The following DYNC2H1 variants were observed in gnomAD, a reference collection of about 807,000 sequenced individuals.
DYNC2H1 encodes the protein dynein cytoplasmic 2 heavy chain 1.
A neutral mutation model predicts 570.0 loss-of-function variants in DYNC2H1; 410 were observed. The observed-to-expected ratio is 0.72, with a 90% CI of 0.66 to 0.78. The LOEUF (loss-of-function observed/expected upper bound fraction) is 0.78, where lower values mean the gene tolerates loss of function less well. Ranked by LOEUF, DYNC2H1 falls within the 30% of genes least tolerant of loss-of-function variation. The probability of loss-of-function intolerance (pLI) is 0.00; values close to 1 mark genes in which losing one functional copy is unlikely to be tolerated. For missense variants in DYNC2H1, 4,865 were observed against 5,046.4 expected (o/e 0.96, Z 1.09); for synonymous variants, 1,688 against 1,677.6 (o/e 1.01, Z -0.15).
chr11:103,229,846 G>T (rs1159494541), intron 59 of DYNC2H1, among the ~76,000 whole-genome samples: 5 of 152,146 alleles, frequency 3.3e-5, no homozygotes, highest in Non-Finnish European at 7.4e-5. Context: ...ATTATTGTAT[G>T]TGATCAATAA....
chr11:103,383,438 GGGT>G (rs1430476592), intron 83 of DYNC2H1, among the ~76,000 whole-genome samples: 3 of 151,278 alleles, frequency 2.0e-5, no homozygotes, highest in African/African-American at 7.3e-5. Context: ...TTCTTGATTT[GGGT>G]GGTTAGTTTG....
intron 83 of DYNC2H1, among the ~76,000 whole-genome samples, chr11:103,382,267 A>G (rs1941680525): frequency 6.6e-6 from 1 of 152,206 alleles, no homozygotes; most frequent in African/African-American, 2.4e-5. Flanking sequence ...TTGGTCTGGT[A>G]GAATCTGTTG....
At chr11:103,258,613 C>A (rs1425122670) in intron 69 of DYNC2H1, among the ~76,000 whole-genome samples, 1 of 152,194 alleles carries the variant, frequency 6.6e-6, no homozygotes, top group African/African-American at 2.4e-5. Flanking sequence ...TGCAGCACCT[C>A]TGCAGGAGGC....
intron 48 of DYNC2H1, among the ~76,000 whole-genome samples, chr11:103,198,435 C>T (rs943230256): frequency 1.1e-4 from 16 of 152,132 alleles, no homozygotes; most frequent in Non-Finnish European, 2.2e-4. Context: ...CATTAGGTGA[C>T]CCAGGTAGTC....
chr11:103,391,570 G>T (rs377302762), intron 83 of DYNC2H1, among the ~76,000 whole-genome samples: 1 of 152,168 alleles, frequency 6.6e-6, no homozygotes, highest in Non-Finnish European at 1.5e-5. Context: ...GGGAAGAGGC[G>T]CTCTGATTTT....
intron 39 of DYNC2H1, among the ~76,000 whole-genome samples, chr11:103,180,773 TAAG>T (rs1228207034): frequency 6.6e-6 from 1 of 151,388 alleles, no homozygotes; most frequent in Non-Finnish European, 1.5e-5. Context: ...ATACCATTGG[TAAG>T]AAACTCTTTA....
chr11:103,402,742 C>T (rs910679252), intron 84 of DYNC2H1: 1 of 152,084 alleles, frequency 6.6e-6, no homozygotes, highest in Non-Finnish European at 1.5e-5. Context: ...TGTGGCTCCT[C>T]TGATTAAGTG....
chr11:103,372,714 G>C (rs995382287), intron 83 of DYNC2H1, among the ~76,000 whole-genome samples: 1 of 152,058 alleles, frequency 6.6e-6, no homozygotes, highest in African/African-American at 2.4e-5. Context: ...TTTCTTTGCT[G>C]TGTCCTTCTC....
intron 17 of DYNC2H1, among the ~76,000 whole-genome samples, chr11:103,137,306 C>T (rs1859619605): frequency 6.8e-6 from 1 of 147,312 alleles, no homozygotes; most frequent in South Asian, 2.2e-4. Context: ...TTGCCCATGC[C>T]TATGTCCTGA....
At chr11:103,119,824 A>G (rs1858607506) in intron 6 of DYNC2H1, among the ~76,000 whole-genome samples, 2 of 152,228 alleles carry the variant, frequency 1.3e-5, no homozygotes, top group Non-Finnish European at 2.9e-5. Context: ...GCTGTTAGGC[A>G]TTCTCAGTAG....
At chr11:103,132,392 A>G (rs1380406122) in intron 13 of DYNC2H1, among the ~76,000 whole-genome samples, 1 of 152,014 alleles carries the variant, frequency 6.6e-6, no homozygotes, top group East Asian at 1.9e-4. Flanking sequence ...ACTAGTTTCA[A>G]GAGAATTTGT....
intron 47 of DYNC2H1, among the ~76,000 whole-genome samples, chr11:103,195,228 T>C (rs1011100248): frequency 1.3e-5 from 2 of 152,226 alleles, no homozygotes; most frequent in African/African-American, 4.8e-5. Context: ...ATGTCAAGTT[T>C]AAGGAGTCTG....
intron 85 of DYNC2H1, among the ~76,000 whole-genome samples, chr11:103,445,112 T>C (rs558037688): frequency 6.6e-6 from 1 of 152,336 alleles, no homozygotes; most frequent in South Asian, 2.1e-4. Context: ...ATTTTGTACA[T>C]TCAAATAAAT....
At chr11:103,180,069 C>G (rs1339790629) in intron 39 of DYNC2H1, among the ~76,000 whole-genome samples, 1 of 151,432 alleles carries the variant, frequency 6.6e-6, no homozygotes, top group Non-Finnish European at 1.5e-5. Context: ...GAAACATTTA[C>G]TTTAAATTAG....
rs907102896 is a variant in DYNC2H1 at position 103,256,399 on chromosome 11, A to G, written c.10461+159A>G. ...CATTGGGTTTGATTCTAGTTATTGT[A>G]GAGAGGGAATTCAGATGTTGGCACA... On this transcript the variant is annotated intron_variant, in intron 68 of 88. Coordinates refer to ENST00000375735, the MANE Select transcript of DYNC2H1 (RefSeq NM_001377.3). The surrounding 1 kb of genome is among the most constrained non-coding windows in gnomAD (Gnocchi z 4.0). Among the ~76,000 whole-genome samples the G allele has an allele frequency of 2.6e-5, 4 of 152,196 alleles. No homozygotes were observed. Among genetic ancestry groups the G allele is most frequent in the Non-Finnish European group, 5.9e-5 (4 of 68,028 alleles).
intron 39 of DYNC2H1, among the ~76,000 whole-genome samples, chr11:103,179,593 T>G (rs1439037664): frequency 2.6e-5 from 4 of 151,884 alleles, no homozygotes; most frequent in East Asian, 3.9e-4. Flanking sequence ...TAAAGCTGAG[T>G]AGCAATATTT....
intron 87 of DYNC2H1, among the ~76,000 whole-genome samples, chr11:103,464,647 G>A (rs1945135008): frequency 6.6e-6 from 1 of 152,234 alleles, no homozygotes; most frequent in East Asian, 1.9e-4. Context: ...CTAGATGTCA[G>A]AAGACAGTAA....
At chr11:103,401,901 G>A (rs1942659513) in intron 84 of DYNC2H1, 1 of 152,108 alleles carries the variant, frequency 6.6e-6, no homozygotes, top group Non-Finnish European at 1.5e-5. Context: ...TCAGGAAGAG[G>A]TAGTTAAGTT....
Position 103,446,111 on chromosome 11 carries a change from T to C in DYNC2H1, c.12457-9075T>C. Among the ~76,000 whole-genome samples, 1 of 151,990 alleles carries C rather than the reference T, an allele frequency of 6.6e-6. No individual in the cohort carries two copies. The highest frequency in any genetic ancestry group is 1.9e-4 in the East Asian group (1 of 5,176). ...GGTCTTGCAAATTAAAAGTTCTAAT[T>C]TGAACATGATAAGTTTAGATGTCTT... On this transcript the variant is annotated intron_variant, in intron 85 of 88. Transcript: ENST00000375735. The surrounding 1 kb of genome is among the most constrained non-coding windows in gnomAD (Gnocchi z 4.5).
Sources: allele counts gnomAD v4.1 joint callset (sites outside exome capture counted in the v4.1 genomes callset), GRCh38; gene constraint gnomAD v4.1.1; non-coding constraint Gnocchi (gnomAD v3.1); transcripts MANE v1.5; gene names NCBI Gene and HGNC (gene_info 2026-07-23, HGNC 2026-07-21).